Variants in PPFIA2 observed in about 807,000 individuals in gnomAD.
PPFIA2 encodes the protein PPFI scaffold protein A2, also known as liprin-alpha-2.
A neutral mutation model predicts 175.5 loss-of-function variants in PPFIA2; 46 were observed. The ratio of observed to expected loss-of-function variants is 0.26; its 90% CI spans 0.21 to 0.34. PPFIA2 has a LOEUF of 0.34. Ranked by LOEUF, PPFIA2 falls within the 10% of genes least tolerant of loss-of-function variation. The pLI is 1.00. For missense variants in PPFIA2, 1,179 were observed against 1,506.1 expected, an observed-to-expected ratio of 0.78 and a Z score of 3.60; for synonymous variants, 568 against 511.4, an observed-to-expected ratio of 1.11 and a Z score of -1.49.
At chr12:81,685,297 G>A (rs1431627890) in intron 3 of PPFIA2, among the ~76,000 whole-genome samples, 1 of 151,976 alleles carries the variant, frequency 6.6e-6, no homozygotes, top group Admixed American at 6.6e-5. Flanking sequence ...AGCAGTTAGT[G>A]TTTCCTTGAC....
intron 3 of PPFIA2, among the ~76,000 whole-genome samples, chr12:81,703,096 T>C (rs1039090430): frequency 6.6e-6 from 1 of 152,036 alleles, no homozygotes; most frequent in Non-Finnish European, 1.5e-5. Flanking sequence ...CACAGACCTC[T>C]TCTCTTTTTT....
At chr12:81,643,155 T>C (rs1030445922) in intron 4 of PPFIA2, among the ~76,000 whole-genome samples, 2 of 150,856 alleles carry the variant, frequency 1.3e-5, no homozygotes, top group Non-Finnish European at 3.0e-5. Flanking sequence ...TAAAATATCA[T>C]TATAAAAATA....
At chr12:81,605,351 A>T (rs1488379653) in intron 4 of PPFIA2, among the ~76,000 whole-genome samples, 1 of 151,788 alleles carries the variant, frequency 6.6e-6, no homozygotes, top group Non-Finnish European at 1.5e-5. Context: ...GAAGAGAAGA[A>T]CATAGTGGTG....
rs1322762446 is a variant in PPFIA2 at position 81,748,195 on chromosome 12, A to G, written c.249+5778T>C. On this transcript the variant is annotated intron_variant, in intron 3 of 32. Transcript: ENST00000549396. ...TCTTTATATTTCAATTATCTTTTCT[A>G]GTTTTCTGGTCACATTTCTATTTCA... Among the ~76,000 whole-genome samples the G allele has an allele frequency of 1.4e-5, 2 of 144,054 alleles. 1 individual carries two copies. The highest frequency in any genetic ancestry group is 3.1e-5 in the Non-Finnish European group (2 of 64,234). 94.5% of individuals were successfully genotyped at this position (144,054 alleles called of 152,430 possible).
At chr12:81,546,747 T>A (rs997610073) in intron 4 of PPFIA2, among the ~76,000 whole-genome samples, 5 of 152,258 alleles carry the variant, frequency 3.3e-5, no homozygotes, top group South Asian at 4.1e-4. Context: ...TTTTTAACAT[T>A]TCAGAGAAAC....
intron 5 of PPFIA2, among the ~76,000 whole-genome samples, chr12:81,452,488 C>T (rs1232056616): frequency 1.3e-5 from 2 of 152,170 alleles, no homozygotes; most frequent in South Asian, 2.1e-4. Flanking sequence ...TTCTTATGCT[C>T]ATGTTTGATT....
intron 21 of PPFIA2, among the ~76,000 whole-genome samples, chr12:81,332,683 C>T (rs1241959219): frequency 6.6e-6 from 1 of 151,922 alleles, no homozygotes; most frequent in Non-Finnish European, 1.5e-5. Flanking sequence ...CTTTATGTGC[C>T]CACACTTGTT....
chr12:81,326,906 T>C (rs1921040), intron 21 of PPFIA2, among the ~76,000 whole-genome samples: 4,410 of 152,210 alleles, frequency 0.029, 190 homozygotes, highest in Admixed American at 0.12. Context: ...TTCATCACTA[T>C]ATCAGTAAAT....
chr12:81,515,959 C>A (rs1834999547), intron 4 of PPFIA2, among the ~76,000 whole-genome samples: 1 of 125,728 alleles, frequency 8.0e-6, no homozygotes, highest in Non-Finnish European at 1.7e-5. Flanking sequence ...CCTTAAACTC[C>A]CAGCATGCCA....
chr12:81,413,243 C>CA (rs919514782), intron 7 of PPFIA2, among the ~76,000 whole-genome samples: 12 of 149,036 alleles, frequency 8.1e-5, no homozygotes, highest in African/African-American at 1.5e-4. Flanking sequence ...TGTAGAATGT[C>CA]AAAAAAAATG....
intron 4 of PPFIA2, among the ~76,000 whole-genome samples, chr12:81,599,985 T>C (rs1243848032): frequency 2.0e-5 from 3 of 151,970 alleles, no homozygotes; most frequent in African/African-American, 7.2e-5. Flanking sequence ...CCAGATAACA[T>C]TATTAATGAT....
intron 1 of PPFIA2, 99 bp downstream of exon 1, chr12:81,759,181 C>G (rs1350395316): frequency 3.0e-5 from 4 of 134,472 alleles, no homozygotes; most frequent in South Asian, 3.0e-4. Context: ...TTCCCTCCCC[C>G]CCGCCGCCCC....
chr12:81,267,736 T>A (rs71437086), intron 29 of PPFIA2, among the ~76,000 whole-genome samples, 176 bp downstream of exon 29: 1 of 148,992 alleles, frequency 6.7e-6, no homozygotes, highest in Admixed American at 6.7e-5. Context: ...TGATTTTTTT[T>A]TTTTTTTTTT....
chr12:81,517,249 A>T (rs1275776353), intron 4 of PPFIA2, among the ~76,000 whole-genome samples: 1 of 152,006 alleles, frequency 6.6e-6, no homozygotes, highest in African/African-American at 2.4e-5. Flanking sequence ...AATAGACTTT[A>T]AGCCAAACAT....
At chr12:81,376,001 C>CTTGT (rs1231597932) in intron 9 of PPFIA2, 59 bp from the exon 10 acceptor site, 26 of 1,424,092 alleles carry the variant, frequency 1.8e-5, no homozygotes, top group Non-Finnish European at 2.5e-5. Context: ...TAATTATTGT[C>CTTGT]TTGTTAGTTA....
intron 30 of PPFIA2, among the ~76,000 whole-genome samples, chr12:81,265,034 T>G (rs930212444): frequency 1.3e-5 from 2 of 151,714 alleles, no homozygotes; most frequent in African/African-American, 4.8e-5. Context: ...GGCTCACGCC[T>G]GTAATCCCAG....
intron 3 of PPFIA2, among the ~76,000 whole-genome samples, chr12:81,729,572 A>G (rs1380319497): frequency 6.6e-6 from 1 of 151,618 alleles, no homozygotes; most frequent in African/African-American, 2.4e-5. Flanking sequence ...ATATCTACTC[A>G]GTAATCTGTG....
At chr12:81,693,912 G>A (rs2075575506) in intron 3 of PPFIA2, among the ~76,000 whole-genome samples, 1 of 152,090 alleles carries the variant, frequency 6.6e-6, no homozygotes, top group African/African-American at 2.4e-5. Context: ...TCCTACTATA[G>A]GGATCTGTGG....
chr12:81,565,118 C>T (rs1442306524), intron 4 of PPFIA2, among the ~76,000 whole-genome samples: 2 of 152,156 alleles, frequency 1.3e-5, no homozygotes, highest in Non-Finnish European at 2.9e-5. Context: ...GCTTACCCAT[C>T]CCCAGTAGTG....
Sources: allele counts gnomAD v4.1 joint callset (sites outside exome capture counted in the v4.1 genomes callset), GRCh38; gene constraint gnomAD v4.1.1; transcripts MANE v1.5; gene names NCBI Gene and HGNC (gene_info 2026-07-23, HGNC 2026-07-21).